The following NRG3 variants were observed in gnomAD, a reference collection of about 807,000 sequenced individuals.
NRG3 encodes neuregulin 3.
A neutral mutation model predicts 66.9 loss-of-function variants in NRG3; 31 were observed. The ratio of observed to expected loss-of-function variants is 0.46; its 90% confidence interval spans 0.35 to 0.63. The LOEUF is 0.63. Ranked by LOEUF, NRG3 falls within the 20% of genes least tolerant of loss-of-function variation. The pLI is 0.00. For missense variants in NRG3, 910 were observed against 878.9 expected (o/e 1.04, Z -0.45); for synonymous variants, 393 against 359.4 (o/e 1.09, Z -1.06).
chr10:82,734,818 G>GA, intron 2 of NRG3, among the ~76,000 whole-genome samples: 1 of 151,928 alleles, frequency 6.6e-6, no homozygotes, highest in Non-Finnish European at 1.5e-5. Flanking sequence ...AGGAATTTGA[G>GA]ACCAACTTCG....
chr10:82,641,473 TA>T (rs1319913261), intron 2 of NRG3, among the ~76,000 whole-genome samples: 2 of 152,132 alleles, frequency 1.3e-5, no homozygotes, highest in African/African-American at 4.8e-5. Flanking sequence ...AACAAGCAAG[TA>T]AAGAAACAAA....
At chr10:81,899,250 G>A (rs914663806) in intron 1 of NRG3, among the ~76,000 whole-genome samples, 1 of 152,160 alleles carries the variant, frequency 6.6e-6, no homozygotes, top group Non-Finnish European at 1.5e-5. Context: ...CCTGATCCAT[G>A]TTACAATTTC....
intron 1 of NRG3, among the ~76,000 whole-genome samples, chr10:81,947,433 T>A (rs938835632): frequency 1.3e-5 from 2 of 152,142 alleles, no homozygotes; most frequent in Non-Finnish European, 2.9e-5. Context: ...CTTTTCAGGC[T>A]GGTGCCCAGA....
chr10:81,900,379 A>G (rs897929923), intron 1 of NRG3, among the ~76,000 whole-genome samples: 2 of 152,228 alleles, frequency 1.3e-5, no homozygotes, highest in African/African-American at 2.4e-5. Context: ...TTTGGTATTC[A>G]TACAAATTTA....
chr10:82,475,278 A>T (rs1212852461), intron 2 of NRG3, among the ~76,000 whole-genome samples: 1 of 152,140 alleles, frequency 6.6e-6, no homozygotes, highest in East Asian at 1.9e-4. Flanking sequence ...AAAAATACTA[A>T]CACCAATTTT....
At chr10:81,877,796 TC>T (rs1841808814) in intron 1 of NRG3, 1 of 1,374,458 alleles carries the variant, frequency 7.3e-7, no homozygotes, top group Non-Finnish European at 9.3e-7. Context: ...GAGCACATTT[TC>T]CCAGGAGGTG....
intron 2 of NRG3, among the ~76,000 whole-genome samples, chr10:82,474,914 CA>C (rs1353582609): frequency 4.0e-5 from 6 of 151,532 alleles, no homozygotes; most frequent in Non-Finnish European, 5.9e-5. Context: ...CTAAGATTAT[CA>C]GCATATTTCT....
intron 3 of NRG3, among the ~76,000 whole-genome samples, chr10:82,766,888 A>T (rs1490872710): frequency 6.6e-6 from 1 of 151,532 alleles, no homozygotes; most frequent in South Asian, 2.1e-4. Context: ...AGAACACTTA[A>T]ATATAGCGTC....
At chr10:82,740,042 TTC>T (rs2058345471) in intron 3 of NRG3, among the ~76,000 whole-genome samples, 1 of 151,858 alleles carries the variant, frequency 6.6e-6, no homozygotes, top group Non-Finnish European at 1.5e-5. Context: ...TATCTAGTTT[TTC>T]TCTTTTTCTT....
intron 2 of NRG3, among the ~76,000 whole-genome samples, chr10:82,627,130 A>G (rs1005732657): frequency 6.6e-6 from 1 of 152,072 alleles, no homozygotes. Context: ...AAAAATAAGG[A>G]TCTCCAGAAG....
At chr10:82,450,437 C>A (rs182162571) in intron 2 of NRG3, among the ~76,000 whole-genome samples, 8 of 152,306 alleles carry the variant, frequency 5.3e-5, no homozygotes, top group Admixed American at 5.2e-4. Context: ...CAGCTGGTCA[C>A]TCAGCTTCTC....
chr10:82,953,393 T>C (rs1849717291), intron 5 of NRG3, among the ~76,000 whole-genome samples: 1 of 152,000 alleles, frequency 6.6e-6, no homozygotes, highest in Non-Finnish European at 1.5e-5. Flanking sequence ...CTCTATACCA[T>C]ACTGGTTCAC....
At chr10:82,441,001 A>G (rs922718169) in intron 2 of NRG3, among the ~76,000 whole-genome samples, 1 of 152,210 alleles carries the variant, frequency 6.6e-6, no homozygotes, top group Non-Finnish European at 1.5e-5. Context: ...GAATGTGGCT[A>G]TAGGTAATAT....
intron 2 of NRG3, among the ~76,000 whole-genome samples, chr10:82,658,754 A>C (rs940150767): frequency 1.3e-5 from 2 of 152,182 alleles, no homozygotes; most frequent in South Asian, 4.1e-4. Context: ...ATTGAGGTTC[A>C]TGATTTCATG....
At chr10:82,185,948 A>G (rs1231539477) in intron 1 of NRG3, among the ~76,000 whole-genome samples, 1 of 152,178 alleles carries the variant, frequency 6.6e-6, no homozygotes, top group East Asian at 1.9e-4. Context: ...TTTTAAAAAT[A>G]TTATTTGAAT....
intron 2 of NRG3, among the ~76,000 whole-genome samples, chr10:82,649,729 T>G (rs1053896344): frequency 2.6e-5 from 4 of 152,022 alleles, no homozygotes; most frequent in African/African-American, 9.7e-5. Flanking sequence ...GCTGGGATTA[T>G]AGGCATGAGC....
At chr10:82,636,734 T>A (rs1183767387) in intron 2 of NRG3, among the ~76,000 whole-genome samples, 1 of 152,112 alleles carries the variant, frequency 6.6e-6, no homozygotes, top group East Asian at 1.9e-4. Context: ...TATGAGGTGG[T>A]GATTTTATTT....
chr10:82,079,016 A>G (rs1392719877), intron 1 of NRG3, among the ~76,000 whole-genome samples: 1 of 151,942 alleles, frequency 6.6e-6, no homozygotes, highest in East Asian at 1.9e-4. Context: ...TGTTGATAAA[A>G]CGTGTTGTAT....
At chr10:81,959,006 A>G (rs11813781) in intron 1 of NRG3, among the ~76,000 whole-genome samples, 17,371 of 152,234 alleles carry the variant, frequency 0.11, 1,610 homozygotes, top group African/African-American at 0.26. Context: ...ACATTTCTTT[A>G]GGGGAGTGAT....
Sources: allele counts gnomAD v4.1 joint callset (sites outside exome capture counted in the v4.1 genomes callset), GRCh38; gene constraint gnomAD v4.1.1; transcripts MANE v1.5; gene names NCBI Gene and HGNC (gene_info 2026-07-23, HGNC 2026-07-21).